Variants in SORCS3 observed in about 807,000 individuals in gnomAD.
The protein encoded by SORCS3 is VPS10 domain-containing receptor SorCS3.
A neutral mutation model predicts 146.3 loss-of-function variants in SORCS3; 57 were observed. That is an observed-to-expected ratio of 0.39 (90% CI 0.31 to 0.49). The LOEUF is 0.49. Ranked by LOEUF, SORCS3 falls within the 20% of genes least tolerant of loss-of-function variation. The probability of loss-of-function intolerance (pLI) is 0.92; values close to 1 mark genes in which losing one functional copy is unlikely to be tolerated. For synonymous variants in SORCS3, 653 were observed against 618.5 expected (o/e 1.06, Z -0.83); for missense variants, 1,341 against 1,575.5 (o/e 0.85, Z 2.52).
At position 104,696,004 on chromosome 10, in the gene SORCS3, T is replaced by TATATATAATATATATCATATACACATATA. The variant is rs1564660786; in HGVS notation, c.627+54079_627+54107dup. ...ATATGTATTATATACACACATATAATATATATAATATATATCATATACACA... is the reference window on the plus strand; with the variant it reads ...ATATGTATTATATACACACATATAATATATATAATATATATCATATACACATATAATATATAATATATATCATATACACA... On this transcript the variant is annotated intron_variant, in intron 1 of 26. Transcript: ENST00000369701. Among the ~76,000 whole-genome samples, 367 of 109,680 alleles carry TATATATAATATATATCATATACACATATA rather than the reference T, an allele frequency of 3.3e-3. 2 individuals are homozygous for TATATATAATATATATCATATACACATATA. The highest frequency in any genetic ancestry group is 3.9e-3 in the Admixed American group (35 of 9,040). 72.0% of individuals were successfully genotyped at this position (109,680 alleles called of 152,430 possible). A position where few individuals can be genotyped will look rare whatever the true frequency, so the allele number is the denominator to read the frequency against.
chr10:104,945,080 C>T (rs1164853643), intron 3 of SORCS3, among the ~76,000 whole-genome samples: 3 of 152,040 alleles, frequency 2.0e-5, no homozygotes, highest in African/African-American at 4.8e-5. Flanking sequence ...AGCCATAAAA[C>T]GTCATAGAGT....
Position 104,822,151 on chromosome 10 carries a change from T to C in SORCS3, c.628-20641T>C, listed in dbSNP as rs185250008. 2,255 of 512,652 alleles carry C rather than the reference T, an allele frequency of 4.4e-3. 10 individuals carry two copies. Among genetic ancestry groups the C allele is most frequent in the Non-Finnish European group, 6.4e-3 (1,643 of 257,636 alleles). 31.8% of individuals were successfully genotyped at this position (512,652 alleles called of 1,614,324 possible). A position where few individuals can be genotyped will look rare whatever the true frequency, so the allele number is the denominator to read the frequency against. On this transcript the variant is annotated intron_variant, in intron 1 of 26. Coordinates refer to ENST00000369701, the MANE Select transcript of SORCS3 (RefSeq NM_014978.3). The stretch of plus-strand genomic sequence containing the variant: ...AGGAATCTGATCTGTCCTCAGTTTC[T>C]GTATCTGTATCTGACAGTCAGGTCT...
intron 4 of SORCS3, among the ~76,000 whole-genome samples, chr10:105,023,901 A>T (rs2055212054): frequency 6.6e-6 from 1 of 152,124 alleles, no homozygotes; most frequent in Non-Finnish European, 1.5e-5. Flanking sequence ...GGAGACAAAT[A>T]GTATGAAATT....
chr10:104,674,859 T>C (rs2133260154), intron 1 of SORCS3, among the ~76,000 whole-genome samples: 1 of 152,360 alleles, frequency 6.6e-6, no homozygotes, highest in South Asian at 2.1e-4. Context: ...TTCTCCATAG[T>C]ATAGGAATAT....
intron 2 of SORCS3, among the ~76,000 whole-genome samples, chr10:104,856,301 A>G (rs771952132): frequency 1.3e-5 from 2 of 151,296 alleles, no homozygotes; most frequent in Non-Finnish European, 2.9e-5. Flanking sequence ...ATATATATAT[A>G]TCATCAATTA....
chr10:105,116,473 T>C (rs2055894051), intron 7 of SORCS3, among the ~76,000 whole-genome samples: 1 of 152,198 alleles, frequency 6.6e-6, no homozygotes, highest in African/African-American at 2.4e-5. Context: ...AAAAGCAGTT[T>C]GGCAATTTCT....
chr10:104,944,407 T>C (rs867726212), intron 3 of SORCS3, among the ~76,000 whole-genome samples: 5 of 152,304 alleles, frequency 3.3e-5, no homozygotes, highest in Admixed American at 6.5e-5. Context: ...AAAAGCATTA[T>C]ATAAGAGTGA....
chr10:105,037,141 G>C (rs1011613508), intron 4 of SORCS3, among the ~76,000 whole-genome samples: 1 of 152,120 alleles, frequency 6.6e-6, no homozygotes, highest in Admixed American at 6.5e-5. Context: ...GGGGGTGGAG[G>C]CATGATGAAA....
At chr10:105,099,901 A>G (rs576420100) in intron 6 of SORCS3, among the ~76,000 whole-genome samples, 2 of 152,276 alleles carry the variant, frequency 1.3e-5, no homozygotes, top group African/African-American at 4.8e-5. Flanking sequence ...GAGGGCAAGA[A>G]CCTGTCTGAT....
intron 25 of SORCS3, among the ~76,000 whole-genome samples, chr10:105,260,863 C>T (rs908706605): frequency 3.3e-5 from 5 of 152,084 alleles, no homozygotes; most frequent in African/African-American, 1.2e-4. Flanking sequence ...TGTGAAATGT[C>T]TAGACATTAG....
chr10:105,022,061 G>A (rs1472243220), intron 4 of SORCS3, among the ~76,000 whole-genome samples: 1 of 152,094 alleles, frequency 6.6e-6, no homozygotes, highest in Non-Finnish European at 1.5e-5. Context: ...GGATAAATAG[G>A]CAGAGCACAG....
intron 14 of SORCS3, 70 bp downstream of exon 14, chr10:105,178,243 A>G (rs2056420399): frequency 7.7e-7 from 1 of 1,293,250 alleles, no homozygotes; most frequent in Non-Finnish European, 1.1e-6. Flanking sequence ...GAGGCCTTGG[A>G]TTTTTCCCAG....
At chr10:105,139,197 A>G (rs1156422405) in intron 7 of SORCS3, among the ~76,000 whole-genome samples, 200 bp from the exon 8 acceptor site, 1 of 152,206 alleles carries the variant, frequency 6.6e-6, no homozygotes, top group East Asian at 1.9e-4. Context: ...GATTGTTGTA[A>G]TTGCCCACCT....
Position 105,229,436 on chromosome 10 carries a change from G to A in SORCS3, c.2868+6187G>A, listed in dbSNP as rs536620698. 3.3e-5 allele frequency among the ~76,000 whole-genome samples: 5 copies of A among 152,092 alleles called. No homozygotes were observed. In the South Asian group the frequency reaches 8.3e-4, roughly 25 times the overall value. On this transcript the variant is annotated intron_variant, in intron 20 of 26. Transcript: ENST00000369701. ...TTTCTTGCTTTTTAAAATGTTTTCT[G>A]TGTCCTTACATTGATATCTGTGCAG...
At chr10:105,237,120 C>A (rs1290683016) in intron 20 of SORCS3, among the ~76,000 whole-genome samples, 1 of 152,018 alleles carries the variant, frequency 6.6e-6, no homozygotes, top group East Asian at 1.9e-4. Context: ...TACCCAGGTC[C>A]CAAAGGTCTT....
chr10:105,162,090 C>T (rs2056269823), intron 11 of SORCS3, among the ~76,000 whole-genome samples: 1 of 152,200 alleles, frequency 6.6e-6, no homozygotes, highest in Non-Finnish European at 1.5e-5. Context: ...CAGCAACTCC[C>T]TCTGGCATGA....
chr10:104,746,855 C>T (rs999955680), intron 1 of SORCS3, among the ~76,000 whole-genome samples: 1 of 152,218 alleles, frequency 6.6e-6, no homozygotes, highest in Admixed American at 6.5e-5. Context: ...GCTGCATTAG[C>T]CAGGGGTAGG....
At chr10:105,223,400 T>C (rs1348099007) in intron 20 of SORCS3, 151 bp downstream of exon 20, 1 of 658,280 alleles carries the variant, frequency 1.5e-6, no homozygotes, top group African/African-American at 1.8e-5. Flanking sequence ...AAAACATACC[T>C]CTTTACACCA....
At chr10:104,709,625 A>G (rs1408113516) in intron 1 of SORCS3, among the ~76,000 whole-genome samples, 1 of 152,224 alleles carries the variant, frequency 6.6e-6, no homozygotes, top group East Asian at 1.9e-4. Context: ...TGGGGAACTC[A>G]GATTCAGAGA....
Sources: gnomAD v4.1 joint callset for allele counts (sites outside exome capture counted in the v4.1 genomes callset) on GRCh38, gnomAD v4.1.1 for gene constraint, MANE v1.5 for transcripts, NCBI Gene and HGNC (gene_info 2026-07-23, HGNC 2026-07-21) for gene names.